Variants in GRM5 observed in about 807,000 individuals in gnomAD.
GRM5 encodes metabotropic glutamate receptor 5.
GRM5 carries 19 observed loss-of-function variants against 83.1 expected under a neutral mutation model. The ratio of observed to expected loss-of-function variants is 0.23; its 90% confidence interval spans 0.16 to 0.34. The LOEUF is 0.34. Among genes scored for constraint, GRM5 ranks in the 10% least tolerant of loss-of-function variants. GRM5 has a pLI of 1.00. For missense variants in GRM5, 1,160 were observed against 1,588.3 expected (o/e 0.73, Z 4.58); for synonymous variants, 675 against 633.6 (o/e 1.07, Z -0.98).
chr11:88,608,034 G>T (rs1488427880), intron 4 of GRM5, among the ~76,000 whole-genome samples: 5 of 152,098 alleles, frequency 3.3e-5, no homozygotes, highest in African/African-American at 1.2e-4. Flanking sequence ...TAACACCCAG[G>T]GCAGGCTGCT....
chr11:88,823,173 T>C (rs1303725673), intron 3 of GRM5, among the ~76,000 whole-genome samples: 1 of 151,600 alleles, frequency 6.6e-6, no homozygotes, highest in Admixed American at 6.6e-5. Flanking sequence ...CATACCCTTC[T>C]ATTAGATGTT....
intron 2 of GRM5, among the ~76,000 whole-genome samples, chr11:88,884,584 GGTAAGAGGTAGAATGACACAGTTTGGCT>G (rs1945011404): frequency 6.6e-6 from 1 of 152,082 alleles, no homozygotes. Flanking sequence ...ACTTGGGAGG[GGTAAGAGGTAGAATGACACAGTTTGGCT>G]GTGTCTCTAC....
At chr11:88,913,732 A>T (rs1400348268) in intron 2 of GRM5, among the ~76,000 whole-genome samples, 8 of 151,774 alleles carry the variant, frequency 5.3e-5, no homozygotes, top group Non-Finnish European at 8.8e-5. Flanking sequence ...GATTACCAGC[A>T]TGTGCTCCCA....
intron 2 of GRM5, among the ~76,000 whole-genome samples, chr11:88,980,344 C>T (rs1169139288): frequency 6.6e-6 from 1 of 152,046 alleles, no homozygotes; most frequent in Admixed American, 6.5e-5. Flanking sequence ...TAAGAGAGTC[C>T]TAAGTGAATG....
At chr11:88,899,314 CTG>C (rs1480212192) in intron 2 of GRM5, among the ~76,000 whole-genome samples, 1 of 151,836 alleles carries the variant, frequency 6.6e-6, no homozygotes, top group Non-Finnish European at 1.5e-5. Context: ...CCATCAATCT[CTG>C]TTAAATTTTA....
intron 9 of GRM5, among the ~76,000 whole-genome samples, chr11:88,523,541 T>C (rs1941762772): frequency 6.6e-6 from 1 of 152,186 alleles, no homozygotes; most frequent in African/African-American, 2.4e-5. Context: ...CTGAGACTCA[T>C]TTTGCAGATG....
At chr11:88,753,899 G>A (rs777304985) in intron 3 of GRM5, among the ~76,000 whole-genome samples, 8 of 152,194 alleles carry the variant, frequency 5.3e-5, no homozygotes, top group Admixed American at 1.3e-4. Context: ...CTTGAGCAGG[G>A]AAACTCCCGT....
intron 3 of GRM5, among the ~76,000 whole-genome samples, chr11:88,708,057 T>A (rs1351551904): frequency 1.3e-5 from 2 of 152,100 alleles, no homozygotes; most frequent in Non-Finnish European, 2.9e-5. Context: ...ATTTGAAAAC[T>A]TAAATATGTT....
chr11:89,016,491 C>A (rs959287871), intron 2 of GRM5, among the ~76,000 whole-genome samples: 3 of 151,906 alleles, frequency 2.0e-5, no homozygotes, highest in African/African-American at 7.3e-5. Context: ...TATTACATTT[C>A]CAATATTTTG....
intron 2 of GRM5, among the ~76,000 whole-genome samples, chr11:89,004,399 T>G (rs1486298399): frequency 6.6e-6 from 1 of 152,236 alleles, no homozygotes; most frequent in African/African-American, 2.4e-5. Context: ...ATTGAACTTC[T>G]CAAATTATTA....
chr11:88,687,036 A>G (rs527542257), intron 3 of GRM5, among the ~76,000 whole-genome samples: 1 of 151,846 alleles, frequency 6.6e-6, no homozygotes, highest in Non-Finnish European at 1.5e-5. Flanking sequence ...TACTCCCAGC[A>G]TTTCATCTGG....
At chr11:88,720,526 A>G (rs935543843) in intron 3 of GRM5, among the ~76,000 whole-genome samples, 2 of 148,234 alleles carry the variant, frequency 1.3e-5, no homozygotes, top group Non-Finnish European at 3.0e-5. Flanking sequence ...AACTGGGTGA[A>G]TAAGGCTATG....
intron 4 of GRM5, among the ~76,000 whole-genome samples, chr11:88,644,829 A>G (rs1049728175): frequency 6.6e-6 from 1 of 152,040 alleles, no homozygotes; most frequent in Non-Finnish European, 1.5e-5. Flanking sequence ...GAGAGAATTA[A>G]GCACCACAGT....
intron 3 of GRM5, among the ~76,000 whole-genome samples, chr11:88,814,092 A>G (rs1943630416): frequency 6.6e-6 from 1 of 152,240 alleles, no homozygotes; most frequent in South Asian, 2.1e-4. Flanking sequence ...GAAATCAGAT[A>G]TACCATCCTA....
chr11:88,875,512 C>T (rs1944837986), intron 2 of GRM5, among the ~76,000 whole-genome samples: 1 of 151,966 alleles, frequency 6.6e-6, no homozygotes, highest in African/African-American at 2.4e-5. Context: ...GATATTCTGA[C>T]CCACTCCCAT....
rs1400276845 is a variant in GRM5 at position 88,644,506 on chromosome 11, A to C, written c.1147+8662T>G. Among the ~76,000 whole-genome samples the C allele has an allele frequency of 2.0e-5, 3 of 152,340 alleles. 1 individual carries two copies. Among genetic ancestry groups the C allele is most frequent in the East Asian group, 1.9e-4 (1 of 5,182 alleles). On this transcript the variant is annotated intron_variant, in intron 4 of 9. Coordinates refer to ENST00000305447, the MANE Select transcript of GRM5 (RefSeq NM_001143831.3). ...AAAATGTTTGCATGCTGGTCTAACA[A>C]TTTGAAAAATTCTACTTATTTGTTG...
At chr11:88,609,025 A>T (rs1668799431) in intron 4 of GRM5, among the ~76,000 whole-genome samples, 1 of 152,092 alleles carries the variant, frequency 6.6e-6, no homozygotes, top group Admixed American at 6.6e-5. Context: ...GCTCAGGGGT[A>T]TATGTGCAGG....
rs542467174 is a variant in GRM5, at chr11:88,984,972, T to A, written c.661+62240A>T. On this transcript the variant is annotated intron_variant, in intron 2 of 9. Coordinates refer to ENST00000305447, the MANE Select transcript of GRM5 (RefSeq NM_001143831.3). ...CACTTTTTTTCTAATCACAGTATTA[T>A]GTGTATCATCAATCTGGTACTCAAT... 1.6e-5 allele frequency: 9 copies of A among 555,960 alleles called. No individual in the cohort carries two copies. In the African/African-American group the frequency reaches 1.7e-4, roughly 11 times the overall value. The allele number at this position is 555,960 out of a possible 1,614,324, so 34.4% of individuals were successfully genotyped here.
chr11:88,912,803 T>C (rs1267858117), intron 2 of GRM5, among the ~76,000 whole-genome samples: 1 of 152,146 alleles, frequency 6.6e-6, no homozygotes, highest in African/African-American at 2.4e-5. Context: ...AAAATTCCAT[T>C]CCTTGGATGT....
Sources: gnomAD v4.1 joint callset for allele counts (sites outside exome capture counted in the v4.1 genomes callset) on GRCh38, gnomAD v4.1.1 for gene constraint, MANE v1.5 for transcripts, NCBI Gene and HGNC (gene_info 2026-07-23, HGNC 2026-07-21) for gene names.